CLRN3: variants seen among roughly 807,000 people sequenced by gnomAD.
CLRN3 encodes clarin 3.
In CLRN3, 12 loss-of-function variants were observed where a neutral mutation model predicts 16.7. The observed-to-expected ratio is 0.72, with a 90% CI of 0.46 to 1.16. CLRN3 has a LOEUF of 1.16. CLRN3 is among the 50% of genes most tolerant of loss of function. CLRN3 has a pLI of 0.00. For missense variants in CLRN3, 296 were observed against 274.2 expected, an observed-to-expected ratio of 1.08 and a Z score of -0.56; for synonymous variants, 118 against 113.0, an observed-to-expected ratio of 1.04 and a Z score of -0.28.
intron 1 of CLRN3, among the ~76,000 whole-genome samples, chr10:127,889,233 G>GATCT (rs1845231495): frequency 6.6e-6 from 1 of 152,146 alleles, no homozygotes; most frequent in African/African-American, 2.4e-5. Flanking sequence ...GAGGCAGGAA[G>GATCT]ATCTCTTGAG....
intron 2 of CLRN3, among the ~76,000 whole-genome samples, chr10:127,881,803 T>C (rs959804011): frequency 6.6e-6 from 1 of 152,188 alleles, no homozygotes; most frequent in Non-Finnish European, 1.5e-5. Flanking sequence ...CCAGCAGTCA[T>C]CTTATCTTCA....
At chr10:127,887,937 G>A (rs1591262050) in intron 1 of CLRN3, among the ~76,000 whole-genome samples, 1 of 152,168 alleles carries the variant, frequency 6.6e-6, no homozygotes, top group Non-Finnish European at 1.5e-5. Context: ...CGTCTGGCCC[G>A]CAGATCCCGC....
At position 127,878,057 on chromosome 10, in the gene CLRN3, G is replaced by T; in HGVS notation, c.*92C>A. On this transcript the variant is annotated 3_prime_UTR_variant, in exon 3 of 3. Transcript: ENST00000368671. ...AAATGCTGTCACAGATGACAGTCAC[G>T]TTACCATGCTGAATTGTCCAGAGAA... The T allele has an allele frequency of 7.0e-7, 1 of 1,432,204 alleles. No individual in the cohort carries two copies. The allele number at this position is 1,432,204 out of a possible 1,614,324, so 88.7% of individuals were successfully genotyped here.
chr10:127,891,948 A>T (rs1255979454), intron 1 of CLRN3, among the ~76,000 whole-genome samples: 1 of 152,216 alleles, frequency 6.6e-6, no homozygotes, highest in East Asian at 1.9e-4. Context: ...TTCTCAATGA[A>T]CTTTTAATTT....
Position 127,880,442 on chromosome 10 carries a change from G to A in CLRN3, c.410-2022C>T, listed in dbSNP as rs147640127. On this transcript the variant is annotated intron_variant, in intron 2 of 2. Coordinates refer to ENST00000368671, the MANE Select transcript of CLRN3 (RefSeq NM_152311.5). Reference sequence around the variant, plus strand: ...AGCCCCGGGGTAGATGAGGAGCTTCGGAAGGCTCACGGACCCTGGCTTCTG... The same window carrying A: ...AGCCCCGGGGTAGATGAGGAGCTTCAGAAGGCTCACGGACCCTGGCTTCTG... Among the ~76,000 whole-genome samples the A allele has an allele frequency of 2.1e-3, 327 of 152,256 alleles. 9 individuals are homozygous for A. The East Asian group carries it at 0.052, about 24-fold the overall frequency.
chr10:127,889,013 C>T (rs771439431), intron 1 of CLRN3, among the ~76,000 whole-genome samples: 7 of 152,170 alleles, frequency 4.6e-5, no homozygotes, highest in African/African-American at 9.7e-5. Flanking sequence ...GTCTACCTTC[C>T]GCTGTAGGCA....
chr10:127,881,142 C>T (rs992480323), intron 2 of CLRN3, among the ~76,000 whole-genome samples: 1 of 152,204 alleles, frequency 6.6e-6, no homozygotes, highest in African/African-American at 2.4e-5. Context: ...ATGCAATCTG[C>T]TCCTTACACA....
chr10:127,879,163 G>A lies in CLRN3; in HGVS notation c.410-743C>T, dbSNP rs1845096035. 1.3e-5 allele frequency among the ~76,000 whole-genome samples: 2 copies of A among 152,132 alleles called. 1 individual carries two copies. ...CTCACTCTCCCCTGGGCTCTGAAGT[G>A]CAGTGGTACAATCTCAGCTTACTGA... is the stretch of plus-strand genomic sequence containing the variant. On this transcript the variant is annotated intron_variant, in intron 2 of 2. Coordinates refer to ENST00000368671, the MANE Select transcript of CLRN3 (RefSeq NM_152311.5).
At chr10:127,879,321 G>A (rs1361081670) in intron 2 of CLRN3, among the ~76,000 whole-genome samples, 20 of 152,032 alleles carry the variant, frequency 1.3e-4, no homozygotes, top group Non-Finnish European at 2.5e-4. Flanking sequence ...GGCTAGTCTC[G>A]AACTCCTGGA....
chr10:127,878,456 GAT>G lies in CLRN3; in HGVS notation c.410-38_410-37del, dbSNP rs1262013836. The G allele has an allele frequency of 3.7e-5, 60 of 1,609,142 alleles. No individual in the cohort carries two copies. In the South Asian group the frequency reaches 6.5e-4, roughly 17 times the overall value. On this transcript the variant is annotated intron_variant, in intron 2 of 2. Transcript: ENST00000368671. ...GATGGAGTTTCATGCATGGCATGGT[GAT>G]ACAGTTTTTAATGTCACTTATCTTT...
At chr10:127,888,683 C>G (rs942257786) in intron 1 of CLRN3, among the ~76,000 whole-genome samples, 1 of 152,142 alleles carries the variant, frequency 6.6e-6, no homozygotes, top group South Asian at 2.1e-4. Flanking sequence ...AATCCTGACT[C>G]GGACGCAGCA....
intron 2 of CLRN3, among the ~76,000 whole-genome samples, chr10:127,879,705 A>G (rs1845104182): frequency 6.6e-6 from 1 of 152,220 alleles, no homozygotes. Context: ...AGCCTTGCCC[A>G]TGTCTGAGAA....
At chr10:127,892,318 T>C (rs554078102) in intron 1 of CLRN3, among the ~76,000 whole-genome samples, 46 of 152,312 alleles carry the variant, frequency 3.0e-4, no homozygotes, top group African/African-American at 9.9e-4. Context: ...GTAGGTATTA[T>C]TTAAATACAG....
In CLRN3 at chr10:127,883,865, T is replaced by C; in HGVS notation, c.240A>G (p.Ile80Met). Reference sequence around the variant, plus strand: ...GAGTTTTTTGGGAAGAATTATTCAGTATCTCTAAAACTAAAACAATGTTTT... The same window carrying C: ...GAGTTTTTTGGGAAGAATTATTCAGCATCTCTAAAACTAAAACAATGTTTT... ...EPKKKFAVLEILNNSSQKTLH... is the reference protein window; with the variant it reads ...EPKKKFAVLEMLNNSSQKTLH... The change falls in exon 2 of 3, where the codon ATA becomes ATG. Residue 80 changes from isoleucine to methionine, a missense_variant. Transcript: ENST00000368671. 1 of 1,614,166 alleles carries C rather than the reference T, an allele frequency of 6.2e-7. No homozygotes were observed. The highest frequency in any genetic ancestry group is 8.5e-7 in the Non-Finnish European group (1 of 1,179,996).
Position 127,883,851 on chromosome 10 carries a change from G to C in CLRN3, c.254C>G (p.Ser85Cys), listed in dbSNP as rs1845161351. The change falls in exon 2 of 3, where the codon TCC becomes TGC. Residue 85 changes from serine (S) to cysteine (C), a missense_variant. Physicochemically the swap from Ser to Cys is moderately radical, Grantham distance 112. Transcript: ENST00000368671. ...FAVLEILNNSSQKTLHSVTIL... is the reference protein window; with the variant it reads ...FAVLEILNNSCQKTLHSVTIL... Reference sequence around the variant, plus strand: ...AGTCACCGAATGCAGAGTTTTTTGGGAAGAATTATTCAGTATCTCTAAAAC... The same window carrying C: ...AGTCACCGAATGCAGAGTTTTTTGGCAAGAATTATTCAGTATCTCTAAAAC... 1.2e-6 allele frequency: 2 copies of C among 1,614,190 alleles called. No homozygotes were observed. The highest frequency in any genetic ancestry group is 1.7e-6 in the Non-Finnish European group (2 of 1,180,014).
chr10:127,881,403 G>A (rs1013955023), intron 2 of CLRN3, among the ~76,000 whole-genome samples: 8 of 152,218 alleles, frequency 5.3e-5, no homozygotes, highest in African/African-American at 7.2e-5. Context: ...GAGATATGGA[G>A]CCACAGCCTA....
At chr10:127,885,260 T>C (rs539447398) in intron 1 of CLRN3, among the ~76,000 whole-genome samples, 3 of 152,242 alleles carry the variant, frequency 2.0e-5, no homozygotes, top group African/African-American at 4.8e-5. Context: ...TGGGCACCCA[T>C]GGGAGGGGTC....
In CLRN3 at chr10:127,887,227, C is replaced by A. The variant is rs552688029; in HGVS notation, c.230-3352G>T. On this transcript the variant is annotated intron_variant, in intron 1 of 2. Transcript: ENST00000368671. ...CAGATCAGAGGCTGCAGATGAGTTACCATAAGAGGGAATCGCTTCCCATTC... is the reference window on the plus strand; with the variant it reads ...CAGATCAGAGGCTGCAGATGAGTTAACATAAGAGGGAATCGCTTCCCATTC... Among the ~76,000 whole-genome samples, 14 of 152,292 alleles carry A rather than the reference C, an allele frequency of 9.2e-5. No individual in the cohort carries two copies. The East Asian group carries it at 2.7e-3, about 29-fold the overall frequency.
At chr10:127,889,489 T>C (rs1186853031) in intron 1 of CLRN3, among the ~76,000 whole-genome samples, 2 of 152,044 alleles carry the variant, frequency 1.3e-5, no homozygotes, top group African/African-American at 2.4e-5. Flanking sequence ...CCGGGTGTTG[T>C]AGTGTATTCC....
Sources: allele counts gnomAD v4.1 joint callset (sites outside exome capture counted in the v4.1 genomes callset), GRCh38; gene constraint gnomAD v4.1.1; transcripts MANE v1.5; gene names NCBI Gene and HGNC (gene_info 2026-07-23, HGNC 2026-07-21).